Variants in SFXN5 observed in about 807,000 individuals in gnomAD.
SFXN5 encodes the protein sideroflexin-5.
A neutral mutation model predicts 50.2 loss-of-function variants in SFXN5; 43 were observed. The observed-to-expected ratio is 0.86, with a 90% confidence interval of 0.67 to 1.11. SFXN5 has a LOEUF of 1.11. Among genes scored for constraint, SFXN5 ranks in the 50% least tolerant of loss-of-function variants. The probability of loss-of-function intolerance (pLI) is 0.00; values close to 1 mark genes in which losing one functional copy is unlikely to be tolerated. For missense variants in SFXN5, 463 were observed against 454.1 expected (o/e 1.02, Z -0.18); for synonymous variants, 203 against 185.8 (o/e 1.09, Z -0.75).
At chr2:73,015,327 T>C (rs1402751731) in intron 6 of SFXN5, among the ~76,000 whole-genome samples, 7 of 152,264 alleles carry the variant, frequency 4.6e-5, no homozygotes, top group African/African-American at 1.7e-4. Context: ...CTTTGATGCA[T>C]TGCTGGAATC....
At chr2:72,989,641 C>T (rs753400891) in intron 9 of SFXN5, among the ~76,000 whole-genome samples, 4 of 151,940 alleles carry the variant, frequency 2.6e-5, no homozygotes, top group Admixed American at 6.6e-5. Flanking sequence ...AAACATACGA[C>T]GGCATGGAAA....
intron 2 of SFXN5, among the ~76,000 whole-genome samples, chr2:73,048,927 T>A (rs1336681471): frequency 1.3e-5 from 2 of 152,228 alleles, no homozygotes; most frequent in African/African-American, 4.8e-5. Context: ...TGAGAGCGAA[T>A]GAGTATTCAG....
intron 13 of SFXN5, among the ~76,000 whole-genome samples, chr2:72,951,556 T>G (rs1672538229): frequency 6.6e-6 from 1 of 152,140 alleles, no homozygotes; most frequent in Non-Finnish European, 1.5e-5. Context: ...GGCCAGCAGA[T>G]AGTTTACATA....
intron 8 of SFXN5, among the ~76,000 whole-genome samples, chr2:72,999,656 G>A (rs1266357451): frequency 2.0e-5 from 3 of 151,974 alleles, no homozygotes; most frequent in Admixed American, 2.0e-4. Context: ...TGGGGTGGAG[G>A]TTTAGATGTC....
intron 1 of SFXN5, among the ~76,000 whole-genome samples, chr2:73,070,124 C>A (rs1683466692): frequency 6.6e-6 from 1 of 152,156 alleles, no homozygotes; most frequent in Admixed American, 6.5e-5. Flanking sequence ...GCAGGCCCGA[C>A]TGAGCCTTTA....
chr2:73,017,534 C>T (rs1676323324), intron 6 of SFXN5, among the ~76,000 whole-genome samples: 1 of 152,090 alleles, frequency 6.6e-6, no homozygotes, highest in Non-Finnish European at 1.5e-5. Flanking sequence ...AAAAGAACTT[C>T]AAAGAAATCT....
At chr2:73,025,183 G>A (rs915909889) in intron 3 of SFXN5, among the ~76,000 whole-genome samples, 3 of 151,836 alleles carry the variant, frequency 2.0e-5, no homozygotes, top group Non-Finnish European at 4.4e-5. Context: ...AAGGCTGATC[G>A]TCCCCTCTTT....
chr2:72,946,059 T>C (rs1455242788), intron 13 of SFXN5, among the ~76,000 whole-genome samples: 5 of 151,776 alleles, frequency 3.3e-5, no homozygotes, highest in African/African-American at 4.8e-5. Flanking sequence ...GCTTTCCACC[T>C]GCCCTCCTCC....
chr2:73,054,961 C>A (rs1395806388), intron 2 of SFXN5, among the ~76,000 whole-genome samples: 1 of 152,188 alleles, frequency 6.6e-6, no homozygotes, highest in African/African-American at 2.4e-5. Flanking sequence ...ATACCTATGC[C>A]CTTTGTCCTT....
chr2:72,971,164 C>T (rs957533977), intron 11 of SFXN5, among the ~76,000 whole-genome samples: 1 of 152,138 alleles, frequency 6.6e-6, no homozygotes, highest in African/African-American at 2.4e-5. Flanking sequence ...TAACCCAGAA[C>T]CACAAACCAC....
intron 9 of SFXN5, among the ~76,000 whole-genome samples, chr2:72,996,318 G>A (rs886111850): frequency 6.6e-6 from 1 of 152,118 alleles, no homozygotes; most frequent in Non-Finnish European, 1.5e-5. Context: ...CCCAGCAAGA[G>A]CTCAGCTCTG....
At chr2:72,983,412 A>G (rs1474692297) in intron 10 of SFXN5, among the ~76,000 whole-genome samples, 1 of 152,180 alleles carries the variant, frequency 6.6e-6, no homozygotes, top group East Asian at 1.9e-4. Context: ...TTTCTCAGCA[A>G]GGAGCTGCTG....
chr2:73,056,611 G>T (rs982944396), intron 2 of SFXN5, among the ~76,000 whole-genome samples: 1 of 151,818 alleles, frequency 6.6e-6, no homozygotes, highest in Admixed American at 6.6e-5. Flanking sequence ...CTTGAACCTG[G>T]GAGGCAGAGG....
At chr2:73,051,257 C>CTTT (rs35074891) in intron 2 of SFXN5, among the ~76,000 whole-genome samples, 8,097 of 114,682 alleles carry the variant, frequency 0.071, 1,362 homozygotes, top group African/African-American at 0.25. Flanking sequence ...TTTTCCAGCA[C>CTTT]TTTTTTTTTT....
At chr2:73,047,219 TAAAAAAAAAAAA>T (rs748772614) in intron 2 of SFXN5, among the ~76,000 whole-genome samples, 314 of 27,472 alleles carry the variant, frequency 0.011, 1 homozygote, top group Middle Eastern at 0.083. Context: ...CTCCATCTCG[TAAAAAAAAAAAA>T]AAAAAAAAAA....
At chr2:72,968,122 AACACACACACACACACACAC>A (rs34361357) in intron 12 of SFXN5, among the ~76,000 whole-genome samples, 16 of 137,286 alleles carry the variant, frequency 1.2e-4, no homozygotes, top group African/African-American at 1.6e-4. Context: ...CACACATGAA[AACACACACACACACACACAC>A]ACACACACAC....
chr2:72,977,868 G>A (rs1670812666), intron 10 of SFXN5, among the ~76,000 whole-genome samples: 2 of 151,876 alleles, frequency 1.3e-5, no homozygotes, highest in Admixed American at 1.3e-4. Flanking sequence ...TAGCTACTCA[G>A]GAGGCTGAGG....
At chr2:72,988,399 G>T in intron 9 of SFXN5, 51 bp from the exon 10 acceptor site, 2 of 1,511,566 alleles carry the variant, frequency 1.3e-6, no homozygotes, top group Non-Finnish European at 1.8e-6. Context: ...TGCTGCAGTG[G>T]CTTGTGGGAG....
chr2:73,029,487 C>T (rs1353814185), intron 3 of SFXN5, among the ~76,000 whole-genome samples: 1 of 151,912 alleles, frequency 6.6e-6, no homozygotes, highest in African/African-American at 2.4e-5. Flanking sequence ...ATTGTTTTAT[C>T]CCCCAAATGC....
Sources: gnomAD v4.1 joint callset for allele counts (sites outside exome capture counted in the v4.1 genomes callset) on GRCh38, gnomAD v4.1.1 for gene constraint, MANE v1.5 for transcripts, NCBI Gene and HGNC (gene_info 2026-07-23, HGNC 2026-07-21) for gene names.